The following SLMAP variants were observed in gnomAD, a reference collection of about 807,000 sequenced individuals.
The protein encoded by SLMAP is sarcolemma associated protein.
SLMAP carries 44 observed loss-of-function variants against 128.8 expected under a neutral mutation model. The observed-to-expected ratio is 0.34, with a 90% CI of 0.27 to 0.44. The LOEUF (loss-of-function observed/expected upper bound fraction) is 0.44. Ranked by LOEUF, SLMAP falls within the 20% of genes least tolerant of loss-of-function variation. The pLI, the probability that SLMAP is intolerant of heterozygous loss-of-function variation, is 1.00. For synonymous variants in SLMAP, 327 were observed against 348.8 expected, an observed-to-expected ratio of 0.94 and a Z score of 0.70; for missense variants, 787 against 985.3, an observed-to-expected ratio of 0.80 and a Z score of 2.69.
In SLMAP at chr3:57,866,513, T is replaced by G. The variant is rs149851156; in HGVS notation, c.1237+1221T>G. The stretch of plus-strand genomic sequence containing the variant: ...TTGCATATGTAATGAATTTTGAAAC[T>G]CTCAAGAAAAATGTTCATTAATCAT... On this transcript the variant is annotated intron_variant, in intron 13 of 24. Transcript: ENST00000671191. 7.7e-3 allele frequency among the ~76,000 whole-genome samples: 1,177 copies of G among 152,318 alleles called. 12 individuals are homozygous for G. Among genetic ancestry groups the G allele is most frequent in the Middle Eastern group, 0.037 (11 of 294 alleles).
rs773445197 is a variant in SLMAP at position 57,908,013 on chromosome 3, T to A, written c.1624+7T>A. On this transcript the variant is annotated splice_region_variant and intron_variant, in intron 18 of 24. Coordinates refer to ENST00000671191, the MANE Select transcript of SLMAP (RefSeq NM_001377540.1). The stretch of plus-strand genomic sequence containing the variant: ...AAATGCTTTGAACTTCAAGGTGAGA[T>A]CAAGATTACTTTGGTTCTTTAGGGA... 1.2e-6 allele frequency: 2 copies of A among 1,613,254 alleles called. No homozygotes were observed. The highest frequency in any genetic ancestry group is 8.5e-7 in the Non-Finnish European group (1 of 1,179,490).
At chr3:57,862,467 G>C (rs534515055) in intron 10 of SLMAP, among the ~76,000 whole-genome samples, 1 of 151,642 alleles carries the variant, frequency 6.6e-6, no homozygotes, top group Non-Finnish European at 1.5e-5. Flanking sequence ...GTGAAACCCC[G>C]TCTCTACTAA....
intron 5 of SLMAP, among the ~76,000 whole-genome samples, chr3:57,848,611 C>G (rs2094381052): frequency 6.7e-6 from 1 of 148,568 alleles, no homozygotes; most frequent in African/African-American, 2.5e-5. Context: ...CCTCCTCCCC[C>G]TCTTCTTTTT....
chr3:57,780,016 A>G (rs2082695934), intron 2 of SLMAP, among the ~76,000 whole-genome samples: 1 of 152,128 alleles, frequency 6.6e-6, no homozygotes. Context: ...TAAAAGAGAA[A>G]TAAAAAAAGT....
intron 22 of SLMAP, chr3:57,917,303 A>G: frequency 2.6e-6 from 3 of 1,154,348 alleles, no homozygotes; most frequent in East Asian, 6.6e-5. Context: ...ACAAAACTAC[A>G]TTTTAATTTT....
rs55916379 is a variant in SLMAP, at chr3:57,869,630, T to TTATATATATATATATATATATATATA, written c.1238-2001_1238-1976dup. On this transcript the variant is annotated intron_variant, in intron 13 of 24. Coordinates refer to ENST00000671191, the MANE Select transcript of SLMAP (RefSeq NM_001377540.1). Reference sequence around the variant, plus strand: ...ACAACATAGCAAGATCCCATCTCTATTATATATATATATATATATATATAT... The same window carrying TTATATATATATATATATATATATATA: ...ACAACATAGCAAGATCCCATCTCTATTATATATATATATATATATATATATATATATATATATATATATATATATAT... Among the ~76,000 whole-genome samples the TTATATATATATATATATATATATATA allele has an allele frequency of 5.4e-4, 41 of 75,438 alleles. 1 individual carries two copies. The highest frequency in any genetic ancestry group is 3.2e-3 in the East Asian group (4 of 1,236). The allele number at this position is 75,438 out of a possible 152,430, so 49.5% of individuals were successfully genotyped here.
intron 2 of SLMAP, among the ~76,000 whole-genome samples, chr3:57,813,284 T>G (rs919482757): frequency 7.2e-5 from 11 of 152,100 alleles, no homozygotes; most frequent in Admixed American, 7.2e-4. Flanking sequence ...TTGGTAGAGA[T>G]GGGGTTTCAC....
At chr3:57,857,912 C>G in intron 7 of SLMAP, 84 bp downstream of exon 7, 1 of 1,026,552 alleles carries the variant, frequency 9.7e-7, no homozygotes, top group Non-Finnish European at 1.5e-6. Context: ...ATGTAGCAAA[C>G]AAAGACAAAG....
At position 57,885,708 on chromosome 3, in the gene SLMAP, C is replaced by T. The variant is rs568693604; in HGVS notation, c.1301-4333C>T. Among the ~76,000 whole-genome samples the T allele has an allele frequency of 1.4e-4, 20 of 147,938 alleles. No individual in the cohort carries two copies. In the South Asian group the frequency reaches 3.2e-3, roughly 24 times the overall value. On this transcript the variant is annotated intron_variant, in intron 14 of 24. Coordinates refer to ENST00000671191, the MANE Select transcript of SLMAP (RefSeq NM_001377540.1). ...TGCTGGGATTACAGGCATGAGCTACCGCGCCCGGCCATCTTGTTTTTGTTG... is the reference window on the plus strand; with the variant it reads ...TGCTGGGATTACAGGCATGAGCTACTGCGCCCGGCCATCTTGTTTTTGTTG...
Position 57,757,454 on chromosome 3 carries a change from G to A in SLMAP, c.-198G>A. On this transcript the variant is annotated 5_prime_UTR_variant, in exon 2 of 25. Coordinates refer to ENST00000671191, the MANE Select transcript of SLMAP (RefSeq NM_001377540.1). ...ATCACGGCGTTGCAGCGTTTTAAAG[G>A]AGGTGATGGGGCTTGCGCTGGCTTG... 1.7e-6 allele frequency: 1 copy of A among 603,322 alleles called. No homozygotes were observed. Among genetic ancestry groups the A allele is most frequent in the South Asian group, 2.0e-5 (1 of 50,712 alleles). The allele number at this position is 603,322 out of a possible 1,614,324, so 37.4% of individuals were successfully genotyped here.
At chr3:57,791,356 A>G (rs1183494608) in intron 2 of SLMAP, among the ~76,000 whole-genome samples, 1 of 151,592 alleles carries the variant, frequency 6.6e-6, no homozygotes, top group Non-Finnish European at 1.5e-5. Context: ...ACTCCATCTC[A>G]AAAAGAAAAA....
chr3:57,893,293 A>T (rs1161230127), intron 15 of SLMAP, among the ~76,000 whole-genome samples: 1 of 152,020 alleles, frequency 6.6e-6, no homozygotes, highest in Non-Finnish European at 1.5e-5. Flanking sequence ...AATTAGCCAG[A>T]TGTGGTGGTG....
In SLMAP at chr3:57,927,848, C is replaced by CAT. The variant is rs1056429212; in HGVS notation, c.*568_*569dup. 1 of 152,336 alleles carries CAT rather than the reference C, an allele frequency of 6.6e-6. No individual in the cohort carries two copies. Among genetic ancestry groups the CAT allele is most frequent in the Non-Finnish European group, 1.5e-5 (1 of 68,016 alleles). The allele number at this position is 152,336 out of a possible 1,614,324, so 9.4% of individuals were successfully genotyped here. Reference sequence around the variant, plus strand: ...TGCCTATCAGTTTGAAATATATACACATATATATATTTTTTACATATTTAC... The same window carrying CAT: ...TGCCTATCAGTTTGAAATATATACACATATATATATATTTTTTACATATTTAC... On this transcript the variant is annotated 3_prime_UTR_variant, in exon 25 of 25. Coordinates refer to ENST00000671191, the MANE Select transcript of SLMAP (RefSeq NM_001377540.1).
At chr3:57,856,338 A>T (rs1373742961) in intron 6 of SLMAP, among the ~76,000 whole-genome samples, 2 of 152,348 alleles carry the variant, frequency 1.3e-5, no homozygotes, top group East Asian at 3.9e-4. Context: ...TTGTATTCAC[A>T]CTTAGCTTAA....
At chr3:57,869,887 A>G (rs913089766) in intron 13 of SLMAP, among the ~76,000 whole-genome samples, 14 of 151,436 alleles carry the variant, frequency 9.2e-5, no homozygotes, top group Non-Finnish European at 2.1e-4. Context: ...TAATGGCTAT[A>G]GTATTAGATA....
At chr3:57,780,595 C>G (rs1356995767) in intron 2 of SLMAP, among the ~76,000 whole-genome samples, 1 of 151,982 alleles carries the variant, frequency 6.6e-6, no homozygotes, top group African/African-American at 2.4e-5. Flanking sequence ...GGTGATTCAT[C>G]AAGCTATACA....
chr3:57,852,573 C>T (rs2094546854), intron 6 of SLMAP, among the ~76,000 whole-genome samples: 1 of 152,150 alleles, frequency 6.6e-6, no homozygotes, highest in Non-Finnish European at 1.5e-5. Context: ...AGAACAGTTC[C>T]TGGCACATAG....
Position 57,820,137 on chromosome 3 carries a change from G to A in SLMAP, c.199-11246G>A, listed in dbSNP as rs182923931. On this transcript the variant is annotated intron_variant, in intron 2 of 24. Coordinates refer to ENST00000671191, the MANE Select transcript of SLMAP (RefSeq NM_001377540.1). The stretch of plus-strand genomic sequence containing the variant: ...CTGACCCCAGGATAGTTAGCATTTT[G>A]TGAGGAAAATCATGAAGTGTAGTGA... 3.6e-4 allele frequency among the ~76,000 whole-genome samples: 55 copies of A among 152,198 alleles called. No individual in the cohort carries two copies. In the East Asian group the frequency reaches 8.9e-3, roughly 25 times the overall value.
At chr3:57,844,890 T>G (rs1310697273) in intron 4 of SLMAP, among the ~76,000 whole-genome samples, 1 of 152,004 alleles carries the variant, frequency 6.6e-6, no homozygotes, top group African/African-American at 2.4e-5. Context: ...GGTTTTTGTA[T>G]TTTTAGTAGA....
Sources: gnomAD v4.1 joint callset for allele counts (sites outside exome capture counted in the v4.1 genomes callset) on GRCh38, gnomAD v4.1.1 for gene constraint, MANE v1.5 for transcripts, NCBI Gene and HGNC (gene_info 2026-07-23, HGNC 2026-07-21) for gene names.